Variants in ZSCAN12 observed in about 807,000 individuals in gnomAD.
The protein encoded by ZSCAN12 is zinc finger and SCAN domain containing 12, also known as zinc finger and SCAN domain-containing protein 12.
ZSCAN12 carries 18 observed loss-of-function variants against 23.4 expected under a neutral mutation model. The ratio of observed to expected loss-of-function variants is 0.77; its 90% CI spans 0.53 to 1.14. The LOEUF is 1.14. Ranked by LOEUF, ZSCAN12 falls within the 50% of genes most tolerant of loss-of-function variation. ZSCAN12 has a pLI of 0.00. For synonymous variants in ZSCAN12, 186 were observed against 253.4 expected (o/e 0.73, Z 2.53); for missense variants, 650 against 735.0 (o/e 0.88, Z 1.34).
intron 2 of ZSCAN12, among the ~76,000 whole-genome samples, chr6:28,395,251 A>G (rs991405210): frequency 6.6e-6 from 1 of 151,964 alleles, no homozygotes; most frequent in Admixed American, 6.6e-5. Flanking sequence ...CTAAGTTTTG[A>G]TTCCTGTCTT....
chr6:28,398,496 T>A, intron 1 of ZSCAN12, 23 bp from the exon 2 acceptor site: 1 of 1,313,434 alleles, frequency 7.6e-7, no homozygotes, highest in Non-Finnish European at 1.0e-6. Context: ...CCATCATTAT[T>A]AATACAAACT....
downstream of ZSCAN12, chr6:28,382,231 C>T (rs1425227450): frequency 5.6e-6 from 2 of 358,306 alleles, no homozygotes; most frequent in Non-Finnish European, 9.8e-6. Context: ...GGGCCTGTTC[C>T]AGCACCTGCT....
chr6:28,379,772 T>G (rs1760135995), downstream of ZSCAN12: 1 of 152,142 alleles, frequency 6.6e-6, no homozygotes, highest in Non-Finnish European at 1.5e-5. Flanking sequence ...TATATGTGAT[T>G]TTTATGTCCT....
chr6:28,382,574 T>C (rs889940623), downstream of ZSCAN12: 1 of 1,551,620 alleles, frequency 6.4e-7, no homozygotes, highest in African/African-American at 1.4e-5. Context: ...TTCAGAGTGA[T>C]TTTTCAGAAG....
rs1761231452 is a variant in ZSCAN12 at position 28,398,342 on chromosome 6, C to T, written c.64G>A (p.Glu22Lys). ...TGTCTGGTGGTATATTTCTCTTCCT[C>T]TATCTTTACTTCCAAAGGTTCATCC... Reference protein sequence around the residue: ...DQDEPLEVKIEEEKYTTRQDW... With the variant: ...DQDEPLEVKIKEEKYTTRQDW... The change falls in exon 2 of 4, where the codon GAG becomes AAG. Residue 22 changes from glutamate to lysine, a missense_variant. Transcript: ENST00000684592. 28 of 1,553,726 alleles carry T rather than the reference C, an allele frequency of 1.8e-5. No homozygotes were observed. The highest frequency in any genetic ancestry group is 2.3e-5 in the Non-Finnish European group (26 of 1,148,022).
rs1196812870 is a variant in ZSCAN12, at chr6:28,390,157, T to C, written c.*297A>G. ...ACAGCACTTATAGTCTGTTACAAAG[T>C]ACCACTTTCATTCGACACCATCTGG... On this transcript the variant is annotated 3_prime_UTR_variant, in exon 4 of 4. Coordinates refer to ENST00000684592, the MANE Select transcript of ZSCAN12 (RefSeq NM_001163391.2). Among the ~76,000 whole-genome samples, 2 of 152,154 alleles carry C rather than the reference T, an allele frequency of 1.3e-5. No individual in the cohort carries two copies. Among genetic ancestry groups the C allele is most frequent in the African/African-American group, 4.8e-5 (2 of 41,420 alleles).
At position 28,398,335 on chromosome 6, in the gene ZSCAN12, T is replaced by G; in HGVS notation, c.71A>C (p.Glu24Ala). 1 of 1,554,680 alleles carries G rather than the reference T, an allele frequency of 6.4e-7. No individual in the cohort carries two copies. Among genetic ancestry groups the G allele is most frequent in the Non-Finnish European group, 8.7e-7 (1 of 1,148,546 alleles). ...DEPLEVKIEEEKYTTRQDWDL... is the reference protein window; with the variant it reads ...DEPLEVKIEEAKYTTRQDWDL... ...CCAATCCTGTCTGGTGGTATATTTC[T>G]CTTCCTCTATCTTTACTTCCAAAGG... The change falls in exon 2 of 4, where the codon GAG (glutamate) becomes GCG (alanine). Residue 24 changes from glutamate to alanine, a missense_variant. Transcript: ENST00000684592.
Position 28,390,716 on chromosome 6 carries a change from T to C in ZSCAN12, c.1574A>G (p.Tyr525Cys), listed in dbSNP as rs1238235572. 1.2e-6 allele frequency: 2 copies of C among 1,612,464 alleles called. No individual in the cohort carries two copies. Among genetic ancestry groups the C allele is most frequent in the Non-Finnish European group, 1.7e-6 (2 of 1,179,172 alleles). Residue 525 changes from tyrosine (Y) to cysteine (C), a missense_variant, in exon 4 of 4, where the codon TAC becomes TGC. Coordinates refer to ENST00000684592, the MANE Select transcript of ZSCAN12 (RefSeq NM_001163391.2). ...GGCATTCCCACACTCATCACACTTG[T>C]AGGGCCTCTCTCCAGTGTGGATTCT... ...HQRIHTGERP[Y>C]KCDECGNAFR... is the part of the protein sequence containing the mutation.
downstream of ZSCAN12, chr6:28,382,375 A>T: frequency 7.0e-7 from 1 of 1,423,232 alleles, no homozygotes; most frequent in African/African-American, 1.5e-5. Context: ...TGTAAAGTCC[A>T]GGTAGCTATC....
chr6:28,391,641 T>C lies in ZSCAN12; in HGVS notation c.649A>G (p.Met217Val). The part of the protein sequence containing the change: ...GKTSSKFEND[M>V]SKSARCGETR... ...TCTCCACACCTAGCAGACTTGGACA[T>C]ATCATTTTCAAATTTACTGGATGTC... is the stretch of plus-strand genomic sequence containing the variant. The change falls in exon 4 of 4, where the codon ATG becomes GTG. Residue 217 changes from methionine (M) to valine (V), a missense_variant. Coordinates refer to ENST00000684592, the MANE Select transcript of ZSCAN12 (RefSeq NM_001163391.2). This position sits in a 1 kb window ranked among gnomAD's most constrained non-coding sequence, Gnocchi z 4.1. 1 of 1,552,046 alleles carries C rather than the reference T, an allele frequency of 6.4e-7. No individual in the cohort carries two copies.
At chr6:28,379,153 T>C (rs1296581649) in exon 5 of ZSCAN12, 1 of 152,140 alleles carries the variant, frequency 6.6e-6, no homozygotes, top group Non-Finnish European at 1.5e-5. Context: ...TATCAACTTG[T>C]TGACAGCTTC....
In ZSCAN12 at chr6:28,391,203, A is replaced by C; in HGVS notation, c.1087T>G (p.Cys363Gly). ...TGEKHYHCND[C>G]GKAFSQKAGL... ...GCTTTCTGACTAAAGGCTTTGCCAC[A>C]GTCATTACAGTGATAGTGTTTTTCT... Residue 363 changes from cysteine (C) to glycine (G), a missense_variant, in exon 4 of 4, where the codon TGT becomes GGT. Physicochemically the swap from Cys to Gly is radical, Grantham distance 159. Transcript: ENST00000684592. The surrounding 1 kb of genome is among the most constrained non-coding windows in gnomAD (Gnocchi z 4.1). 5 of 1,551,920 alleles carry C rather than the reference A, an allele frequency of 3.2e-6. No individual in the cohort carries two copies. The highest frequency in any genetic ancestry group is 4.4e-6 in the Non-Finnish European group (5 of 1,147,046).
downstream of ZSCAN12, chr6:28,380,354 C>G (rs1011296116): frequency 2.0e-5 from 3 of 152,226 alleles, no homozygotes; most frequent in Admixed American, 6.5e-5. Context: ...TTCTCCAATG[C>G]TGAAGCAAGC....
At chr6:28,393,144 T>C (rs1581779098) in intron 2 of ZSCAN12, 98 bp from the exon 3 acceptor site, 2 of 1,312,084 alleles carry the variant, frequency 1.5e-6, no homozygotes. Flanking sequence ...ATGACCTTTT[T>C]CCCAGATATA....
chr6:28,393,004 T>C lies in ZSCAN12; in HGVS notation c.445A>G (p.Thr149Ala), dbSNP rs1212595744. The C allele has an allele frequency of 1.7e-5, 27 of 1,551,730 alleles. No homozygotes were observed. The highest frequency in any genetic ancestry group is 2.3e-5 in the Non-Finnish European group (26 of 1,147,016). ...TGEQEMFLQE[T>A]VRLRKEGEPS... ...TCTCCTTCTTTTCGTAGACGTACCG[T>C]CTCCTGCAAGAACATTTCCTGTTCC... The change falls in exon 3 of 4, where the codon ACG (threonine) becomes GCG (alanine). Residue 149 changes from threonine (T) to alanine (A), a missense_variant. By Grantham distance (58) the Thr-to-Ala change is moderately conservative. Coordinates refer to ENST00000684592, the MANE Select transcript of ZSCAN12 (RefSeq NM_001163391.2).
chr6:28,381,231 G>C (rs952691365), downstream of ZSCAN12: 10 of 152,158 alleles, frequency 6.6e-5, no homozygotes, highest in African/African-American at 2.4e-4. Flanking sequence ...AATTTGTTAA[G>C]GACAGTTAAA....
downstream of ZSCAN12, chr6:28,380,686 A>G (rs528391074): frequency 9.1e-5 from 14 of 153,888 alleles, 1 homozygote; most frequent in East Asian, 2.3e-3. Context: ...GATTGAAAAG[A>G]GATTCTCTTC....
chr6:28,380,569 T>C (rs1460129055), downstream of ZSCAN12: 1 of 153,780 alleles, frequency 6.5e-6, no homozygotes. Context: ...CTGAAAACTT[T>C]CCCACATTCC....
chr6:28,398,645 C>T (rs2232421), intron 1 of ZSCAN12, among the ~76,000 whole-genome samples, 172 bp from the exon 2 acceptor site: 1,879 of 151,646 alleles, frequency 0.012, 22 homozygotes, highest in Non-Finnish European at 0.017. Flanking sequence ...AGGCCGGGCA[C>T]AGTGGCTCAC....
Sources: gnomAD v4.1 joint callset for allele counts (sites outside exome capture counted in the v4.1 genomes callset) on GRCh38, gnomAD v4.1.1 for gene constraint, Gnocchi (gnomAD v3.1) non-coding constraint, MANE v1.5 for transcripts, NCBI Gene and HGNC (gene_info 2026-07-23, HGNC 2026-07-21) for gene names.